Variants in DNM3 observed in about 807,000 individuals in gnomAD.
DNM3 encodes dynamin-3.
DNM3 carries 47 observed loss-of-function variants against 101.6 expected under a neutral mutation model. The ratio of observed to expected loss-of-function variants is 0.46; its 90% CI spans 0.37 to 0.59. The LOEUF is 0.59. Among genes scored for constraint, DNM3 ranks in the 20% least tolerant of loss-of-function variants. The pLI is 0.00. For synonymous variants in DNM3, 385 were observed against 387.9 expected, an observed-to-expected ratio of 0.99 and a Z score of 0.09; for missense variants, 849 against 1,085.7, an observed-to-expected ratio of 0.78 and a Z score of 3.06.
chr1:172,348,162 G>C (rs1202589001), intron 17 of DNM3, among the ~76,000 whole-genome samples: 1 of 152,134 alleles, frequency 6.6e-6, no homozygotes, highest in Non-Finnish European at 1.5e-5. Context: ...GCAGACGAAA[G>C]TGTGCCATGA....
intron 2 of DNM3, among the ~76,000 whole-genome samples, chr1:171,963,821 A>C (rs1011538159): frequency 1.3e-5 from 2 of 151,620 alleles, no homozygotes; most frequent in Non-Finnish European, 2.9e-5. Context: ...GATTGTTTTC[A>C]AAGCTGTTTA....
In DNM3 at chr1:172,292,820, T is replaced by C. The variant is rs866992665; in HGVS notation, c.1770-15908T>C. Among the ~76,000 whole-genome samples the C allele has an allele frequency of 4.6e-5, 7 of 152,220 alleles. 1 individual carries two copies. Among genetic ancestry groups the C allele is most frequent in the Middle Eastern group, 6.3e-3 (2 of 316 alleles). The stretch of plus-strand genomic sequence containing the variant: ...TATTTAAAAAAATGTGGAATGCATC[T>C]GTTGGAAACATACATTTAAGACCCT... On this transcript the variant is annotated intron_variant, in intron 15 of 20. Coordinates refer to ENST00000627582, the MANE Select transcript of DNM3 (RefSeq NM_015569.5).
chr1:172,191,897 C>T (rs1056986966), intron 14 of DNM3, among the ~76,000 whole-genome samples: 1 of 152,172 alleles, frequency 6.6e-6, no homozygotes, highest in African/African-American at 2.4e-5. Context: ...AGTTGCTTAT[C>T]AGCTTAAGGA....
chr1:172,094,269 C>T (rs1410939005), intron 13 of DNM3, among the ~76,000 whole-genome samples: 1 of 152,016 alleles, frequency 6.6e-6, no homozygotes, highest in African/African-American at 2.4e-5. Flanking sequence ...TTTTATATGG[C>T]TATAGAGTTA....
At chr1:172,044,095 A>G (rs1007130691) in intron 8 of DNM3, among the ~76,000 whole-genome samples, 1 of 152,192 alleles carries the variant, frequency 6.6e-6, no homozygotes, top group African/African-American at 2.4e-5. Flanking sequence ...GAAGAATTAT[A>G]CATTTCAAAT....
chr1:172,406,316 T>A (rs533268048), intron 20 of DNM3, among the ~76,000 whole-genome samples: 1 of 152,028 alleles, frequency 6.6e-6, no homozygotes, highest in Non-Finnish European at 1.5e-5. Flanking sequence ...AAACACTGTA[T>A]GAAACAAGTT....
chr1:172,044,161 A>C (rs1051560427), intron 8 of DNM3, among the ~76,000 whole-genome samples: 3 of 152,214 alleles, frequency 2.0e-5, no homozygotes, highest in Non-Finnish European at 2.9e-5. Flanking sequence ...CCATATCTAT[A>C]ACAGAGTTAA....
At chr1:171,968,651 TGGCTTGGTATGTGTTG>T (rs551796374) in intron 2 of DNM3, among the ~76,000 whole-genome samples, 198 of 152,288 alleles carry the variant, frequency 1.3e-3, no homozygotes, top group Non-Finnish European at 2.3e-3. Context: ...GACCCCATTT[TGGCTTGGTATGTGTTG>T]GGCTTAGTGC....
At chr1:171,932,044 C>T in intron 2 of DNM3, among the ~76,000 whole-genome samples, 1 of 97,316 alleles carries the variant, frequency 1.0e-5, no homozygotes, top group South Asian at 5.2e-4. Flanking sequence ...CTCCCTCTCC[C>T]CATCCCCCAC....
intron 13 of DNM3, among the ~76,000 whole-genome samples, chr1:172,103,730 C>T (rs1051898940): frequency 1.4e-4 from 22 of 152,134 alleles, no homozygotes; most frequent in African/African-American, 3.1e-4. Context: ...AGGCCAGGCG[C>T]GGCGGCTCAC....
intron 1 of DNM3, among the ~76,000 whole-genome samples, chr1:171,847,442 G>A (rs1353839838): frequency 1.3e-5 from 2 of 151,962 alleles, no homozygotes; most frequent in Non-Finnish European, 2.9e-5. Context: ...CTGTGTCTCA[G>A]TTTCTGAGTT....
At chr1:172,191,447 C>T (rs1438993123) in intron 14 of DNM3, among the ~76,000 whole-genome samples, 3 of 152,098 alleles carry the variant, frequency 2.0e-5, no homozygotes, top group South Asian at 4.1e-4. Context: ...AGTCAGGTAG[C>T]ATGATGCCTC....
At chr1:172,111,182 A>T (rs777757217) in intron 13 of DNM3, among the ~76,000 whole-genome samples, 15 of 152,242 alleles carry the variant, frequency 9.9e-5, no homozygotes, top group Non-Finnish European at 1.9e-4. Context: ...ACCCTAGCAG[A>T]TGCTATTGTT....
At chr1:171,921,908 C>A (rs1028760801) in intron 2 of DNM3, 87 bp downstream of exon 2, 7 of 1,228,018 alleles carry the variant, frequency 5.7e-6, no homozygotes, top group Admixed American at 2.1e-5. Flanking sequence ...CAAATAGAAA[C>A]GTTTTTGTGA....
intron 15 of DNM3, among the ~76,000 whole-genome samples, chr1:172,302,125 G>A (rs550693960): frequency 6.6e-6 from 1 of 152,120 alleles, no homozygotes; most frequent in Admixed American, 6.5e-5. Context: ...GCCAAGGGAA[G>A]CCGTGACAGA....
intron 4 of DNM3, among the ~76,000 whole-genome samples, chr1:171,996,906 C>T (rs2046034380): frequency 6.6e-6 from 1 of 151,930 alleles, no homozygotes; most frequent in South Asian, 2.1e-4. Flanking sequence ...GTGGCGCATG[C>T]CTGTAGTCCC....
chr1:172,219,402 AG>A lies in DNM3; in HGVS notation c.1660-34170del, dbSNP rs1299160005. ...CAAAAAAAAAAAAAAAAAAAAAAAA[AG>A]AAGACGCTCTCAAGAGTTCTAATAT... On this transcript the variant is annotated intron_variant, in intron 14 of 20. Transcript: ENST00000627582. Among the ~76,000 whole-genome samples the A allele has an allele frequency of 4.8e-3, 709 of 146,986 alleles. 6 individuals are homozygous for A. Among genetic ancestry groups the A allele is most frequent in the African/African-American group, 0.017 (675 of 39,668 alleles).
intron 4 of DNM3, among the ~76,000 whole-genome samples, chr1:172,011,678 CT>C (rs2047136296): frequency 6.6e-6 from 1 of 152,070 alleles, no homozygotes; most frequent in Non-Finnish European, 1.5e-5. Flanking sequence ...CTGGGTTTAA[CT>C]GAAAATTCTT....
chr1:172,402,118 T>C (rs1406101839), intron 20 of DNM3, among the ~76,000 whole-genome samples: 2 of 152,106 alleles, frequency 1.3e-5, no homozygotes, highest in Admixed American at 6.6e-5. Flanking sequence ...TCTTGGTTCA[T>C]AGAAGGTTTT....
Sources: gnomAD v4.1 joint callset for allele counts (sites outside exome capture counted in the v4.1 genomes callset) on GRCh38, gnomAD v4.1.1 for gene constraint, MANE v1.5 for transcripts, NCBI Gene and HGNC (gene_info 2026-07-23, HGNC 2026-07-21) for gene names.